Variants in HIRA observed in about 807,000 individuals in gnomAD.
HIRA encodes histone cell cycle regulator, also known as protein HIRA.
HIRA carries 13 observed loss-of-function variants against 126.6 expected under a neutral mutation model. That is an observed-to-expected ratio of 0.10 (90% CI 0.07 to 0.16). The LOEUF is 0.16. Ranked by LOEUF, HIRA falls within the 10% of genes least tolerant of loss-of-function variation. The probability of loss-of-function intolerance (pLI) is 1.00; values close to 1 mark genes in which losing one functional copy is unlikely to be tolerated. For synonymous variants in HIRA, 511 were observed against 520.0 expected, an observed-to-expected ratio of 0.98 and a Z score of 0.24; for missense variants, 834 against 1,314.4, an observed-to-expected ratio of 0.63 and a Z score of 5.65.
intron 11 of HIRA, among the ~76,000 whole-genome samples, chr22:19,387,069 G>A (rs1216527492): frequency 6.6e-6 from 1 of 152,186 alleles, no homozygotes; most frequent in African/African-American, 2.4e-5. Context: ...TCTGGTAGGT[G>A]AAGCAGGGCT....
Position 19,361,337 on chromosome 22 carries a change from G to A in HIRA, c.1985C>T (p.Pro662Leu). The change falls in exon 17 of 25, where the codon CCA becomes CTA. Residue 662 changes from proline to leucine, a missense_variant. By Grantham distance (98) the Pro-to-Leu change is moderately conservative. Coordinates refer to ENST00000263208, the MANE Select transcript of HIRA (RefSeq NM_003325.4). ...LMPVSLSVQSPAALTAEKEAM... is the reference protein window; with the variant it reads ...LMPVSLSVQSLAALTAEKEAM... ...CTCCTTCTCTGCGGTTAGGGCAGCT[G>A]GAGACTGGAAGAGCCAGAAACGTTC... The A allele has an allele frequency of 2.5e-6, 4 of 1,614,032 alleles. No homozygotes were observed. Among genetic ancestry groups the A allele is most frequent in the Non-Finnish European group, 3.4e-6 (4 of 1,179,864 alleles).
intron 1 of HIRA, among the ~76,000 whole-genome samples, chr22:19,430,915 T>A (rs981191005): frequency 1.3e-4 from 20 of 152,146 alleles, no homozygotes; most frequent in African/African-American, 4.8e-4. Context: ...CGTGGATCCT[T>A]CGCGGGGGCC....
chr22:19,374,541 C>T (rs1429229644), intron 15 of HIRA, among the ~76,000 whole-genome samples: 1 of 152,174 alleles, frequency 6.6e-6, no homozygotes, highest in African/African-American at 2.4e-5. Flanking sequence ...CAGCATCAAA[C>T]TTGCAGAAAG....
At chr22:19,346,321 C>T (rs1418732179) in intron 24 of HIRA, among the ~76,000 whole-genome samples, 2 of 152,218 alleles carry the variant, frequency 1.3e-5, no homozygotes, top group African/African-American at 4.8e-5. Context: ...GCCTGGGTGA[C>T]AGAGAGAGAC....
intron 10 of HIRA, 30 bp downstream of exon 10, chr22:19,388,454 A>G (rs372562478): frequency 3.5e-5 from 55 of 1,555,552 alleles, no homozygotes; most frequent in Middle Eastern, 3.4e-4. Flanking sequence ...TCCTTTCTTA[A>G]CCTATTCCTG....
At chr22:19,348,177 C>T (rs994305035) in intron 24 of HIRA, among the ~76,000 whole-genome samples, 1 of 152,180 alleles carries the variant, frequency 6.6e-6, no homozygotes, top group Non-Finnish European at 1.5e-5. Context: ...GTGCTACTCC[C>T]AAGAAGTTGG....
chr22:19,354,103 G>A lies in HIRA; in HGVS notation c.2577C>T (p.Asp859=), dbSNP rs782595183. Residue 859 remains aspartate, a synonymous_variant, in exon 22 of 25, where the codon GAC becomes GAT. Coordinates refer to ENST00000263208, the MANE Select transcript of HIRA (RefSeq NM_003325.4). ...PSLSTWNLVS[D]KQDSLAQCAD... is the part of the protein sequence containing the mutation. ...CACACTGAGCCAGTGAGTCCTGCTT[G>A]TCAGAAACCAGGTTCCTGGGGAGGC... 3 of 1,612,836 alleles carry A rather than the reference G, an allele frequency of 1.9e-6. No individual in the cohort carries two copies. The highest frequency in any genetic ancestry group is 1.3e-5 in the African/African-American group (1 of 74,886).
intron 24 of HIRA, 98 bp from the exon 25 acceptor site, chr22:19,331,654 G>T: frequency 8.7e-7 from 1 of 1,147,320 alleles, no homozygotes; most frequent in Non-Finnish European, 1.2e-6. Flanking sequence ...GTCTGCTCAC[G>T]GGAGAAGGAA....
At chr22:19,387,450 G>A (rs1351133527) in intron 11 of HIRA, among the ~76,000 whole-genome samples, 2 of 152,268 alleles carry the variant, frequency 1.3e-5, no homozygotes, top group Non-Finnish European at 2.9e-5. Context: ...CCAGTGGATG[G>A]CCTATTATCA....
intron 1 of HIRA, among the ~76,000 whole-genome samples, chr22:19,418,692 T>C (rs2089419649): frequency 1.3e-5 from 2 of 152,166 alleles, no homozygotes; most frequent in Admixed American, 6.5e-5. Flanking sequence ...ACTGCAGTGG[T>C]AGATACATGA....
At chr22:19,401,260 C>T (rs1040664855) in intron 5 of HIRA, among the ~76,000 whole-genome samples, 1 of 152,144 alleles carries the variant, frequency 6.6e-6, no homozygotes, top group African/African-American at 2.4e-5. Context: ...AATACGCTGC[C>T]TGTTCCCCTC....
intron 19 of HIRA, among the ~76,000 whole-genome samples, chr22:19,356,665 T>C (rs1269837108): frequency 6.6e-6 from 1 of 152,130 alleles, no homozygotes; most frequent in African/African-American, 2.4e-5. Flanking sequence ...AGTAAGGAAA[T>C]AATCGAGCAG....
At chr22:19,376,582 T>C (rs1241963669) in intron 14 of HIRA, among the ~76,000 whole-genome samples, 1 of 152,222 alleles carries the variant, frequency 6.6e-6, no homozygotes, top group Non-Finnish European at 1.5e-5. Flanking sequence ...TTCTCAGATC[T>C]GGCATGGTCT....
chr22:19,357,543 C>A (rs578149636), intron 18 of HIRA, among the ~76,000 whole-genome samples: 1 of 152,324 alleles, frequency 6.6e-6, no homozygotes, highest in South Asian at 2.1e-4. Flanking sequence ...GTGTCGCTCC[C>A]AAACAAGGAG....
At position 19,355,875 on chromosome 22, in the gene HIRA, G is replaced by T; in HGVS notation, c.2456-10C>A. The T allele has an allele frequency of 6.3e-7, 1 of 1,580,416 alleles. No homozygotes were observed. The highest frequency in any genetic ancestry group is 8.7e-7 in the Non-Finnish European group (1 of 1,150,028). On this transcript the variant is annotated splice_polypyrimidine_tract_variant and intron_variant, in intron 20 of 24. Transcript: ENST00000263208. Reference sequence around the variant, plus strand: ...ACCGTCATATCACTTCCTGAGGACAGCATGGGAATGAGTTCTGGGTGTGCT... The same window carrying T: ...ACCGTCATATCACTTCCTGAGGACATCATGGGAATGAGTTCTGGGTGTGCT...
intron 12 of HIRA, among the ~76,000 whole-genome samples, chr22:19,384,807 C>T (rs548277367): frequency 2.6e-5 from 4 of 151,528 alleles, no homozygotes; most frequent in African/African-American, 9.7e-5. Flanking sequence ...GCATGCACCA[C>T]CATACCCGGC....
chr22:19,397,047 G>T, intron 6 of HIRA, 100 bp from the exon 7 acceptor site: 1 of 1,104,056 alleles, frequency 9.1e-7, no homozygotes, highest in Non-Finnish European at 1.3e-6. Flanking sequence ...GGACTCAGCA[G>T]TCTGCCATGG....
At chr22:19,349,680 T>G (rs1490383741) in intron 24 of HIRA, among the ~76,000 whole-genome samples, 1 of 152,158 alleles carries the variant, frequency 6.6e-6, no homozygotes, top group Non-Finnish European at 1.5e-5. Context: ...GGATTTGACT[T>G]TGAACCCAGG....
At chr22:19,344,741 C>T (rs535420096) in intron 24 of HIRA, among the ~76,000 whole-genome samples, 6 of 152,196 alleles carry the variant, frequency 3.9e-5, no homozygotes, top group African/African-American at 1.4e-4. Context: ...AACAAAATGC[C>T]AGCAAACAGA....
Sources: gnomAD v4.1 joint callset for allele counts (sites outside exome capture counted in the v4.1 genomes callset) on GRCh38, gnomAD v4.1.1 for gene constraint, MANE v1.5 for transcripts, NCBI Gene and HGNC (gene_info 2026-07-23, HGNC 2026-07-21) for gene names.